PDE7B: variants seen among roughly 807,000 people sequenced by gnomAD.
PDE7B encodes the protein 3',5'-cyclic-AMP phosphodiesterase 7B.
PDE7B carries 29 observed loss-of-function variants against 56.2 expected under a neutral mutation model. The observed-to-expected ratio is 0.52, with a 90% CI of 0.38 to 0.70. The LOEUF (loss-of-function observed/expected upper bound fraction) is 0.70. PDE7B is among the 30% of genes least tolerant of loss of function. The pLI, the probability that PDE7B is intolerant of heterozygous loss-of-function variation, is 0.00. For synonymous variants in PDE7B, 197 were observed against 196.9 expected (o/e 1.00, Z 0.00); for missense variants, 490 against 565.0 (o/e 0.87, Z 1.35).
chr6:136,024,675 A>G (rs918643482), intron 2 of PDE7B, among the ~76,000 whole-genome samples: 1 of 152,176 alleles, frequency 6.6e-6, no homozygotes, highest in Non-Finnish European at 1.5e-5. Flanking sequence ...CTTGTCATGT[A>G]TGCTTGCATT....
chr6:136,091,048 T>C (rs1777376988), intron 2 of PDE7B, among the ~76,000 whole-genome samples: 2 of 152,236 alleles, frequency 1.3e-5, no homozygotes, highest in Non-Finnish European at 2.9e-5. Context: ...ATTTGCTTTC[T>C]GCCCTATTTG....
At chr6:136,131,758 T>C (rs979203236) in intron 3 of PDE7B, among the ~76,000 whole-genome samples, 3 of 152,172 alleles carry the variant, frequency 2.0e-5, no homozygotes, top group Non-Finnish European at 4.4e-5. Context: ...ACTTCATTTG[T>C]ACATTTAGTG....
intron 8 of PDE7B, among the ~76,000 whole-genome samples, chr6:136,159,092 G>GAAGTTTAT (rs1234725969): frequency 2.0e-5 from 3 of 152,162 alleles, no homozygotes; most frequent in African/African-American, 4.8e-5. Flanking sequence ...ATGTCTTGCA[G>GAAGTTTAT]AAGTTTATAA....
chr6:135,981,737 A>G (rs1264146371), intron 2 of PDE7B, among the ~76,000 whole-genome samples: 1 of 150,640 alleles, frequency 6.6e-6, no homozygotes, highest in Non-Finnish European at 1.5e-5. Flanking sequence ...CTCCTGAAGG[A>G]CCTGCCTGAG....
chr6:136,096,235 A>G (rs778314883), intron 2 of PDE7B: 2 of 152,152 alleles, frequency 1.3e-5, no homozygotes, highest in South Asian at 2.1e-4. Flanking sequence ...GACTTGGAGT[A>G]TTTCCTATCC....
intron 2 of PDE7B, among the ~76,000 whole-genome samples, chr6:136,068,555 A>G (rs561712912): frequency 1.3e-5 from 2 of 151,240 alleles, no homozygotes; most frequent in South Asian, 4.2e-4. Flanking sequence ...CTCAGCCTCA[A>G]GAGTAGCTGG....
chr6:135,938,493 A>T (rs1359522657), intron 1 of PDE7B, among the ~76,000 whole-genome samples: 1 of 152,244 alleles, frequency 6.6e-6, no homozygotes, highest in Non-Finnish European at 1.5e-5. Flanking sequence ...TGAGATGCCT[A>T]GTCAGTTCCT....
At chr6:135,978,556 AT>A (rs1479310594) in intron 2 of PDE7B, among the ~76,000 whole-genome samples, 2 of 152,134 alleles carry the variant, frequency 1.3e-5, no homozygotes, top group East Asian at 3.9e-4. Context: ...CTCTTTTATA[AT>A]TTTTTTACTC....
chr6:136,137,608 G>A (rs1007029420), intron 3 of PDE7B, among the ~76,000 whole-genome samples: 4 of 152,046 alleles, frequency 2.6e-5, no homozygotes, highest in African/African-American at 7.2e-5. Context: ...ACAGTTGACA[G>A]AAACAGCCTT....
In PDE7B at chr6:135,889,118, G is replaced by C. The variant is rs115602127; in HGVS notation, c.21+37099G>C. On this transcript the variant is annotated intron_variant, in intron 1 of 12. Transcript: ENST00000308191. ...GGTCATGCCCAGTTAATAGATTCTT[G>C]AGGACATCTTTAAATTCTCTTAAAT... is the stretch of plus-strand genomic sequence containing the variant. Among the ~76,000 whole-genome samples, 1,273 of 152,196 alleles carry C rather than the reference G, an allele frequency of 8.4e-3. 16 individuals are homozygous for C. Among genetic ancestry groups the C allele is most frequent in the African/African-American group, 0.029 (1,185 of 41,514 alleles).
intron 2 of PDE7B, among the ~76,000 whole-genome samples, chr6:136,092,091 C>T (rs573966745): frequency 1.2e-4 from 19 of 152,230 alleles, no homozygotes; most frequent in African/African-American, 4.3e-4. Flanking sequence ...CTTTATATTG[C>T]TCACAGTCAT....
intron 1 of PDE7B, among the ~76,000 whole-genome samples, chr6:135,877,725 A>G (rs1775525191): frequency 6.6e-6 from 1 of 151,044 alleles, no homozygotes; most frequent in South Asian, 2.1e-4. Context: ...TGGGAAGTAC[A>G]CAGACCTCCA....
intron 3 of PDE7B, among the ~76,000 whole-genome samples, chr6:136,126,395 G>T (rs1023645554): frequency 6.6e-6 from 1 of 152,176 alleles, no homozygotes; most frequent in South Asian, 2.1e-4. Context: ...ACAGTGTGGA[G>T]ATTCCTTAAA....
chr6:135,961,275 GTGTGTA>G (rs767746216), intron 2 of PDE7B, among the ~76,000 whole-genome samples: 7,505 of 135,954 alleles, frequency 0.055, 227 homozygotes, highest in Admixed American at 0.066. Context: ...GTGTGTGTGT[GTGTGTA>G]TGTGTGTGTG....
intron 1 of PDE7B, among the ~76,000 whole-genome samples, chr6:135,888,572 A>G (rs1308175121): frequency 6.6e-6 from 1 of 152,064 alleles, no homozygotes; most frequent in African/African-American, 2.4e-5. Flanking sequence ...TAAAATAAAC[A>G]TCACTGTTCT....
chr6:136,075,761 C>T (rs535345618), intron 2 of PDE7B, among the ~76,000 whole-genome samples: 20 of 152,280 alleles, frequency 1.3e-4, no homozygotes, highest in African/African-American at 2.4e-4. Flanking sequence ...CTAAGAAGAA[C>T]GACCTGGGTT....
intron 2 of PDE7B, 61 bp from the exon 3 acceptor site, chr6:136,108,670 G>A (rs917633294): frequency 7.3e-6 from 8 of 1,089,242 alleles, no homozygotes; most frequent in Admixed American, 1.7e-5. Context: ...GGATTTACAG[G>A]GGAAAAGTGA....
rs145292866 is a variant in PDE7B, at chr6:135,899,550, T to C, written c.21+47531T>C. On this transcript the variant is annotated intron_variant, in intron 1 of 12. Transcript: ENST00000308191. The stretch of plus-strand genomic sequence containing the variant: ...TGATTACTTGTATGAGTAAACATGT[T>C]CTAAAGTGGCTTATTAAAAATGTGT... Among the ~76,000 whole-genome samples, 613 of 151,970 alleles carry C rather than the reference T, an allele frequency of 4.0e-3. 8 individuals carry two copies. Among genetic ancestry groups the C allele is most frequent in the South Asian group, 0.019 (90 of 4,822 alleles).
At chr6:136,180,479 G>A (rs3778288) in intron 10 of PDE7B, among the ~76,000 whole-genome samples, 5,420 of 152,248 alleles carry the variant, frequency 0.036, 295 homozygotes, top group Admixed American at 0.13. Context: ...AACTAAATTT[G>A]CAAGTTGATA....
Sources: allele counts gnomAD v4.1 joint callset (sites outside exome capture counted in the v4.1 genomes callset), GRCh38; gene constraint gnomAD v4.1.1; transcripts MANE v1.5; gene names NCBI Gene and HGNC (gene_info 2026-07-23, HGNC 2026-07-21).